PTPRA: variants seen among roughly 807,000 people sequenced by gnomAD.
PTPRA encodes receptor-type tyrosine-protein phosphatase alpha.
Under a neutral mutation model 104.8 loss-of-function variants are expected in PTPRA, and 25 were observed. The observed-to-expected ratio is 0.24, with a 90% confidence interval of 0.17 to 0.33. PTPRA has a LOEUF of 0.33. Among genes scored for constraint, PTPRA ranks in the 10% least tolerant of loss-of-function variants. The pLI is 1.00. For missense variants in PTPRA, 765 were observed against 1,015.3 expected, an observed-to-expected ratio of 0.75 and a Z score of 3.35; for synonymous variants, 323 against 368.9, an observed-to-expected ratio of 0.88 and a Z score of 1.43.
chr20:2,961,809 A>G lies in PTPRA; in HGVS notation c.-6-2463A>G, dbSNP rs114569608. ...TTTGTGAAAGATAATAAGGTCTGAT[A>G]TGGATTAATTTTTCTATATGTAGCT... On this transcript the variant is annotated intron_variant, in intron 3 of 23. Coordinates refer to ENST00000399903, the MANE Select transcript of PTPRA (RefSeq NM_001385305.1). 8.0e-3 allele frequency among the ~76,000 whole-genome samples: 1,216 copies of G among 152,340 alleles called. 9 individuals are homozygous for G. The highest frequency in any genetic ancestry group is 0.024 in the Middle Eastern group (7 of 294).
At chr20:2,910,340 T>A (rs546281896) in intron 1 of PTPRA, among the ~76,000 whole-genome samples, 1 of 86,594 alleles carries the variant, frequency 1.2e-5, no homozygotes, top group African/African-American at 4.3e-5. Flanking sequence ...ATATAATATA[T>A]TTTGTATATT....
intron 9 of PTPRA, among the ~76,000 whole-genome samples, chr20:2,995,829 G>A (rs1287800764): frequency 3.9e-5 from 6 of 152,136 alleles, no homozygotes; most frequent in East Asian, 1.9e-4. Flanking sequence ...CTCTAATATT[G>A]TCAGAAGTAA....
In PTPRA at chr20:2,918,054, C is replaced by T. The variant is rs367765617; in HGVS notation, c.-128-5153C>T. ...AGTGAGCCGAGATTGCACCACTGCA[C>T]TCCAGCCTGGGCGATAGAGTGAGAC... On this transcript the variant is annotated intron_variant, in intron 1 of 23. Transcript: ENST00000399903. Among the ~76,000 whole-genome samples the T allele has an allele frequency of 8.4e-5, 12 of 142,554 alleles. No homozygotes were observed. In the South Asian group the frequency reaches 1.1e-3, roughly 13 times the overall value. 93.5% of individuals were successfully genotyped at this position (142,554 alleles called of 152,430 possible).
At chr20:2,994,475 A>T (rs1308014168) in intron 9 of PTPRA, among the ~76,000 whole-genome samples, 1 of 152,198 alleles carries the variant, frequency 6.6e-6, no homozygotes, top group South Asian at 2.1e-4. Context: ...CAGGAATCCC[A>T]TTTTGAAATA....
At chr20:3,021,868 G>A (rs538926985) in intron 14 of PTPRA, among the ~76,000 whole-genome samples, 186 bp from the exon 15 acceptor site, 20 of 152,326 alleles carry the variant, frequency 1.3e-4, no homozygotes, top group African/African-American at 3.4e-4. Flanking sequence ...TTAGCTGGGA[G>A]CACTGCATTT....
At chr20:2,864,942 T>C in the PTPRA span, 3 of 1,613,408 alleles carry the variant, frequency 1.9e-6, no homozygotes, top group African/African-American at 2.7e-5. This position sits in a 1 kb window ranked among gnomAD's most constrained non-coding sequence, Gnocchi z 5.2. Flanking sequence ...GGGTCCTGCA[T>C]GCTGTGAGTT....
chr20:3,005,214 G>A, intron 10 of PTPRA, 68 bp downstream of exon 10: 1 of 1,458,188 alleles, frequency 6.9e-7, no homozygotes, highest in Non-Finnish European at 9.6e-7. Flanking sequence ...TTCTGAAGAT[G>A]GAAAGAATCT....
chr20:2,969,207 T>C (rs1600189309), intron 5 of PTPRA, among the ~76,000 whole-genome samples: 1 of 149,702 alleles, frequency 6.7e-6, no homozygotes. Flanking sequence ...CCCGAGACTC[T>C]ATCTCAAAAA....
intron 1 of PTPRA, among the ~76,000 whole-genome samples, chr20:2,904,060 C>T (rs1337985064): frequency 6.6e-6 from 1 of 151,978 alleles, no homozygotes; most frequent in Non-Finnish European, 1.5e-5. Context: ...ACGCGTGCCA[C>T]CATGCCCAGC....
Position 2,906,770 on chromosome 20 carries a change from T to C in PTPRA, c.-128-16437T>C, listed in dbSNP as rs145765716. Among the ~76,000 whole-genome samples the C allele has an allele frequency of 5.1e-3, 772 of 152,312 alleles. 5 individuals are homozygous for C. The highest frequency in any genetic ancestry group is 6.8e-3 in the Middle Eastern group (2 of 294). On this transcript the variant is annotated intron_variant, in intron 1 of 23. Coordinates refer to ENST00000399903, the MANE Select transcript of PTPRA (RefSeq NM_001385305.1). ...TCTTCACACATACATGTCAAATAATTGATACCAGCCCATAAACATATGATT... is the reference window on the plus strand; with the variant it reads ...TCTTCACACATACATGTCAAATAATCGATACCAGCCCATAAACATATGATT...
intron 5 of PTPRA, 65 bp from the exon 6 acceptor site, chr20:2,975,150 C>G: frequency 7.2e-7 from 1 of 1,389,122 alleles, no homozygotes; most frequent in Non-Finnish European, 1.0e-6. Flanking sequence ...TTGTTGTACT[C>G]TAATTGAATT....
intron 11 of PTPRA, among the ~76,000 whole-genome samples, chr20:3,010,266 G>T (rs1031587464): frequency 6.6e-6 from 1 of 152,072 alleles, no homozygotes; most frequent in African/African-American, 2.4e-5. Context: ...TTTCTACTCA[G>T]TTATCCTTAG....
At chr20:2,931,227 G>C (rs1005751733) in intron 2 of PTPRA, among the ~76,000 whole-genome samples, 3 of 152,152 alleles carry the variant, frequency 2.0e-5, no homozygotes, top group African/African-American at 7.2e-5. Flanking sequence ...GTAACACTGG[G>C]TGTGAGGTGA....
At chr20:2,976,807 A>G (rs1436146081) in intron 6 of PTPRA, among the ~76,000 whole-genome samples, 1 of 152,216 alleles carries the variant, frequency 6.6e-6, no homozygotes, top group African/African-American at 2.4e-5. Context: ...ATAAGCAGTT[A>G]TGTCTTATGC....
At position 2,964,878 on chromosome 20, in the gene PTPRA, A is replaced by C; in HGVS notation, c.91A>C (p.Ile31Leu). 1 of 1,613,366 alleles carries C rather than the reference A, an allele frequency of 6.2e-7. No individual in the cohort carries two copies. ...GTTTGTAGTTGCACCTTCTGTAGGAATTACAAGATTAATTAACTCATCAAC... is the reference window on the plus strand; with the variant it reads ...GTTTGTAGTTGCACCTTCTGTAGGACTTACAAGATTAATTAACTCATCAAC... ...NATTVAPSVG[I>L]TRLINSSTAE... The change falls in exon 5 of 24, where the codon ATT becomes CTT. Residue 31 changes from isoleucine (I) to leucine (L), a missense_variant. Physicochemically the swap from Ile to Leu is conservative, Grantham distance 5. This residue lies in a region of PTPRA where 256 missense variants were observed against 248.9 expected (regional missense o/e 1.03). Coordinates refer to ENST00000399903, the MANE Select transcript of PTPRA (RefSeq NM_001385305.1).
chr20:3,007,673 G>C (rs2063937486), intron 11 of PTPRA, among the ~76,000 whole-genome samples: 1 of 152,136 alleles, frequency 6.6e-6, no homozygotes, highest in African/African-American at 2.4e-5. Context: ...TTTGTGATAA[G>C]AGTCAGTGAA....
intron 3 of PTPRA, among the ~76,000 whole-genome samples, chr20:2,955,144 A>T (rs563074541): frequency 6.6e-6 from 1 of 152,132 alleles, no homozygotes; most frequent in East Asian, 1.9e-4. Flanking sequence ...CAAAATTGTC[A>T]CTGGTTTGTT....
intron 2 of PTPRA, among the ~76,000 whole-genome samples, chr20:2,927,144 C>T (rs1478243670): frequency 6.6e-6 from 1 of 151,942 alleles, no homozygotes; most frequent in Non-Finnish European, 1.5e-5. Flanking sequence ...CTCCTGACCT[C>T]ATGATCGCCC....
intron 2 of PTPRA, among the ~76,000 whole-genome samples, chr20:2,930,657 T>C (rs891771515): frequency 2.6e-5 from 4 of 152,172 alleles, no homozygotes; most frequent in Non-Finnish European, 5.9e-5. Flanking sequence ...AAATCCTCTT[T>C]CTTCAATTGG....
Sources: gnomAD v4.1 joint callset for allele counts (sites outside exome capture counted in the v4.1 genomes callset) on GRCh38, gnomAD v4.1.1 for gene constraint, gnomAD v4.1.1 regional missense constraint, Gnocchi (gnomAD v3.1) non-coding constraint, MANE v1.5 for transcripts, NCBI Gene and HGNC (gene_info 2026-07-23, HGNC 2026-07-21) for gene names.